Variants in ALOX5 observed in about 807,000 individuals in gnomAD.
The protein encoded by ALOX5 is arachidonate 5-lipoxygenase.
ALOX5 carries 64 observed loss-of-function variants against 87.9 expected under a neutral mutation model. The ratio of observed to expected loss-of-function variants is 0.73; its 90% confidence interval spans 0.60 to 0.90. The LOEUF (loss-of-function observed/expected upper bound fraction) is 0.90, where lower values mean the gene tolerates loss of function less well. ALOX5 is among the 40% of genes least tolerant of loss of function. The pLI, the probability that ALOX5 is intolerant of heterozygous loss-of-function variation, is 0.00. For missense variants in ALOX5, 822 were observed against 907.5 expected, an observed-to-expected ratio of 0.91 and a Z score of 1.21; for synonymous variants, 388 against 355.1, an observed-to-expected ratio of 1.09 and a Z score of -1.04.
chr10:45,413,311 C>T (rs1054803074), intron 4 of ALOX5, among the ~76,000 whole-genome samples: 23 of 152,158 alleles, frequency 1.5e-4, no homozygotes, highest in Non-Finnish European at 2.1e-4. Flanking sequence ...TAAATGTAAT[C>T]TAGCATATAA....
At chr10:45,387,386 A>G (rs1840046480) in intron 2 of ALOX5, among the ~76,000 whole-genome samples, 2 of 152,240 alleles carry the variant, frequency 1.3e-5, no homozygotes, top group Non-Finnish European at 2.9e-5. Flanking sequence ...TCTCACAGGC[A>G]ACACTAAAAC....
At chr10:45,408,776 T>C (rs1840966464) in intron 3 of ALOX5, among the ~76,000 whole-genome samples, 1 of 152,206 alleles carries the variant, frequency 6.6e-6, no homozygotes, top group Admixed American at 6.5e-5. Flanking sequence ...CTTAGAATTT[T>C]ATTTTTGGTT....
At chr10:45,376,901 G>A (rs557732794) in intron 1 of ALOX5, among the ~76,000 whole-genome samples, 1 of 152,134 alleles carries the variant, frequency 6.6e-6, no homozygotes, top group African/African-American at 2.4e-5. Context: ...AGAAAGCCGG[G>A]ATCCTACACA....
rs376820786 is a variant in ALOX5, at chr10:45,392,923, T to G, written c.350-2932T>G. On this transcript the variant is annotated intron_variant, in intron 2 of 13. Coordinates refer to ENST00000374391, the MANE Select transcript of ALOX5 (RefSeq NM_000698.5). ...ACCAGGAAGAAGTTGAATCCCTGAATAGACCAATAACAGGCTCTGAAATTG... is the reference window on the plus strand; with the variant it reads ...ACCAGGAAGAAGTTGAATCCCTGAAGAGACCAATAACAGGCTCTGAAATTG... Among the ~76,000 whole-genome samples the G allele has an allele frequency of 6.6e-5, 10 of 152,288 alleles. No individual in the cohort carries two copies. The East Asian group carries it at 1.7e-3, about 26-fold the overall frequency.
At position 45,398,122 on chromosome 10, in the gene ALOX5, A is replaced by T. The variant is rs927997310; in HGVS notation, c.431+2186A>T. 1.1e-4 allele frequency among the ~76,000 whole-genome samples: 17 copies of T among 152,348 alleles called. No homozygotes were observed. The East Asian group carries it at 3.3e-3, about 29-fold the overall frequency. ...CTACACAGCTATAGTATTCAAGACAATGTGATATCGGCATAAGGATAGATA... is the reference window on the plus strand; with the variant it reads ...CTACACAGCTATAGTATTCAAGACATTGTGATATCGGCATAAGGATAGATA... On this transcript the variant is annotated intron_variant, in intron 3 of 13. Coordinates refer to ENST00000374391, the MANE Select transcript of ALOX5 (RefSeq NM_000698.5).
At chr10:45,403,542 G>A (rs1272605370) in intron 3 of ALOX5, among the ~76,000 whole-genome samples, 2 of 152,104 alleles carry the variant, frequency 1.3e-5, no homozygotes, top group South Asian at 2.1e-4. Flanking sequence ...GATGGTGTTC[G>A]TACAGGTGTT....
At chr10:45,440,384 C>G (rs749088572) in intron 7 of ALOX5, 46 bp from the exon 8 acceptor site, 1 of 1,584,786 alleles carries the variant, frequency 6.3e-7, no homozygotes, top group Non-Finnish European at 8.6e-7. Context: ...CAACTATACT[C>G]TGAAGTGAAA....
intron 7 of ALOX5, among the ~76,000 whole-genome samples, chr10:45,438,569 C>T (rs879824348): frequency 6.6e-6 from 1 of 152,008 alleles, no homozygotes; most frequent in Non-Finnish European, 1.5e-5. Flanking sequence ...CATGTGGGGA[C>T]ATGTCAGAAA....
chr10:45,395,012 T>A (rs951760934), intron 2 of ALOX5, among the ~76,000 whole-genome samples: 15 of 152,250 alleles, frequency 9.9e-5, no homozygotes, highest in Admixed American at 2.6e-4. Context: ...TTGGTGGGAC[T>A]GTAAACTAGT....
Position 45,380,561 on chromosome 10 carries a change from C to T in ALOX5, c.151-1922C>T, listed in dbSNP as rs559160104. Among the ~76,000 whole-genome samples the T allele has an allele frequency of 2.5e-3, 388 of 152,336 alleles. 2 individuals carry two copies. Among genetic ancestry groups the T allele is most frequent in the African/African-American group, 8.1e-3 (338 of 41,584 alleles). ...CGCTCGCACAAAGGATGATACCCCT[C>T]GCCCCTTCCACTTTGCCATCATGCT... On this transcript the variant is annotated intron_variant, in intron 1 of 13. Transcript: ENST00000374391.
intron 13 of ALOX5, 139 bp downstream of exon 13, chr10:45,444,425 A>G: frequency 8.1e-7 from 1 of 1,240,166 alleles, no homozygotes; most frequent in Non-Finnish European, 1.1e-6. Context: ...AGGGCCCAGA[A>G]GGCTGCAGCC....
At chr10:45,378,628 T>G (rs1044779067) in intron 1 of ALOX5, among the ~76,000 whole-genome samples, 2 of 152,140 alleles carry the variant, frequency 1.3e-5, no homozygotes, top group Non-Finnish European at 2.9e-5. Context: ...TCCGAAGATA[T>G]TTTGCAGTTT....
chr10:45,382,767 A>G, intron 2 of ALOX5, 86 bp downstream of exon 2: 1 of 1,469,368 alleles, frequency 6.8e-7, no homozygotes, highest in Middle Eastern at 2.1e-4. Context: ...CATAGGAGGA[A>G]TGACACTGCT....
intron 1 of ALOX5, among the ~76,000 whole-genome samples, chr10:45,380,287 C>G (rs1839781443): frequency 6.6e-6 from 1 of 152,250 alleles, no homozygotes; most frequent in East Asian, 1.9e-4. Flanking sequence ...TGTCATCCCA[C>G]CACATGGGCC....
chr10:45,422,763 T>C (rs577127690), intron 4 of ALOX5, among the ~76,000 whole-genome samples: 1 of 152,338 alleles, frequency 6.6e-6, no homozygotes, highest in African/African-American at 2.4e-5. Flanking sequence ...CATAGTCTAT[T>C]GGGACAGCCA....
intron 1 of ALOX5, among the ~76,000 whole-genome samples, chr10:45,380,253 C>G (rs1381511696): frequency 6.6e-6 from 1 of 152,236 alleles, no homozygotes; most frequent in African/African-American, 2.4e-5. Flanking sequence ...CGAGGCTGGT[C>G]CACATGTGGC....
intron 1 of ALOX5, among the ~76,000 whole-genome samples, chr10:45,376,658 C>CA (rs1235168317): frequency 2.0e-5 from 3 of 152,178 alleles, no homozygotes; most frequent in African/African-American, 7.2e-5. Flanking sequence ...TATTTCCACA[C>CA]AATTTAATCA....
rs745461924 is a variant in ALOX5 at position 45,428,644 on chromosome 10, T to C, written c.861T>C (p.Phe287=). The C allele has an allele frequency of 3.7e-6, 6 of 1,614,142 alleles. No individual in the cohort carries two copies. The highest frequency in any genetic ancestry group is 3.3e-5 in the Admixed American group (2 of 60,022). ...VQQGNIFIVD[F]ELLDGIDANK... Reference sequence around the variant, plus strand: ...AAGGGAACATTTTCATCGTGGACTTTGAGCTGCTGGATGGCATCGATGCCA... The same window carrying C: ...AAGGGAACATTTTCATCGTGGACTTCGAGCTGCTGGATGGCATCGATGCCA... Residue 287 remains phenylalanine (F), a synonymous_variant, in exon 7 of 14, where the codon TTT becomes TTC. Transcript: ENST00000374391.
intron 3 of ALOX5, among the ~76,000 whole-genome samples, chr10:45,408,375 G>T (rs922740082): frequency 6.6e-6 from 1 of 152,194 alleles, no homozygotes; most frequent in Non-Finnish European, 1.5e-5. Context: ...GGACAACTTG[G>T]GGGAGGGGAG....
Sources: allele counts gnomAD v4.1 joint callset (sites outside exome capture counted in the v4.1 genomes callset), GRCh38; gene constraint gnomAD v4.1.1; transcripts MANE v1.5; gene names NCBI Gene and HGNC (gene_info 2026-07-23, HGNC 2026-07-21).